ADPRHL1: variants seen among roughly 807,000 people sequenced by gnomAD.
ADPRHL1 encodes inactive ADP-ribosyltransferase ARH2.
A neutral mutation model predicts 44.1 loss-of-function variants in ADPRHL1; 43 were observed. The ratio of observed to expected loss-of-function variants is 0.98; its 90% CI spans 0.76 to 1.26. The LOEUF (loss-of-function observed/expected upper bound fraction) is 1.26. Ranked by LOEUF, ADPRHL1 falls within the 50% of genes most tolerant of loss-of-function variation. The probability of loss-of-function intolerance (pLI) is 0.00; values close to 1 mark genes in which losing one functional copy is unlikely to be tolerated. For synonymous variants in ADPRHL1, 878 were observed against 1,017.4 expected, an observed-to-expected ratio of 0.86 and a Z score of 2.61; for missense variants, 2,022 against 2,496.9, an observed-to-expected ratio of 0.81 and a Z score of 4.05.
At position 113,403,659 on chromosome 13, in the gene ADPRHL1, CA is replaced by C; in HGVS notation, c.5622del (p.Ile1874MetfsTer82). The C allele has an allele frequency of 8.1e-7, 1 of 1,231,790 alleles. No individual in the cohort carries two copies. The highest frequency in any genetic ancestry group is 3.2e-5 in the East Asian group (1 of 31,668). The allele number at this position is 1,231,790 out of a possible 1,614,324, so 76.3% of individuals were successfully genotyped here. A position where few individuals can be genotyped will look rare whatever the true frequency, so the allele number is the denominator to read the frequency against. ...PGSRPLRGKS[I>X]ATSPLGLGKS... is the part of the protein sequence containing the mutation. ...TTTCCCAGCCCCAGGGGAGAGGTGG[CA>C]ATGCTCTTGCCCCTGAGGGGGCGGC... is the stretch of plus-strand genomic sequence containing the variant. On this transcript the variant is annotated frameshift_variant, in exon 8 of 8. Coordinates refer to ENST00000612156, the MANE Select transcript of ADPRHL1 (RefSeq NM_001394807.1). LOFTEE classifies it low-confidence loss of function (END_TRUNC).
At chr13:113,445,845 C>T (rs9604114) in intron 1 of ADPRHL1, among the ~76,000 whole-genome samples, 5 of 136,948 alleles carry the variant, frequency 3.7e-5, no homozygotes, top group South Asian at 2.3e-4. Flanking sequence ...AAACCCCTGG[C>T]GAGAGCATAC....
intron 7 of ADPRHL1, among the ~76,000 whole-genome samples, chr13:113,413,026 A>G (rs111872039): frequency 1.0e-4 from 9 of 88,172 alleles, no homozygotes; most frequent in African/African-American, 1.8e-4. Flanking sequence ...AGCGCCCCGC[A>G]GAGCTCGGTT....
intron 1 of ADPRHL1, chr13:113,448,971 C>T (rs2044161040): frequency 1.0e-6 from 1 of 985,642 alleles, no homozygotes; most frequent in Admixed American, 6.1e-5. Context: ...CGAGGCCGCC[C>T]CTCCCCAGGC....
chr13:113,442,825 C>G (rs776676139), intron 2 of ADPRHL1, among the ~76,000 whole-genome samples: 2 of 152,184 alleles, frequency 1.3e-5, no homozygotes, highest in Non-Finnish European at 2.9e-5. Context: ...CAGACACATG[C>G]GTCAGGCTGC....
chr13:113,430,366 A>G (rs2043998024), intron 3 of ADPRHL1, among the ~76,000 whole-genome samples: 1 of 152,146 alleles, frequency 6.6e-6, no homozygotes, highest in South Asian at 2.1e-4. Flanking sequence ...CTCTCCTCTC[A>G]CTGCTAGCCA....
intron 3 of ADPRHL1, among the ~76,000 whole-genome samples, chr13:113,431,168 G>A (rs1033733440): frequency 6.6e-6 from 1 of 152,284 alleles, no homozygotes; most frequent in Non-Finnish European, 1.5e-5. Context: ...TGCCGCGTGC[G>A]TTCTGACATC....
intron 2 of ADPRHL1, among the ~76,000 whole-genome samples, chr13:113,440,603 A>T (rs931762863): frequency 4.0e-5 from 6 of 151,750 alleles, no homozygotes; most frequent in Admixed American, 6.6e-5. Flanking sequence ...TTACAGGGGC[A>T]TACCACCACA....
At chr13:113,410,183 C>G (rs1246233666) in intron 7 of ADPRHL1, 4 of 954,124 alleles carry the variant, frequency 4.2e-6, no homozygotes, top group Non-Finnish European at 5.0e-6. Flanking sequence ...GAACACAGGA[C>G]TCCGCTTCCC....
At position 113,407,794 on chromosome 13, in the gene ADPRHL1, C is replaced by T. The variant is rs1341415584; in HGVS notation, c.1488G>A (p.Pro496=). Residue 496 remains proline (P), a synonymous_variant, in exon 8 of 8, where the codon CCG becomes CCA. Coordinates refer to ENST00000612156, the MANE Select transcript of ADPRHL1 (RefSeq NM_001394807.1). The part of the protein sequence containing the change: ...CLSEKPRWGH[P]AGKSTVKNIL... ...TGTTTTTCACGGTGCTCTTCCCGGC[C>T]GGGTGGCCCCAGCGGGGCTTCTCGC... The T allele has an allele frequency of 1.6e-5, 20 of 1,231,908 alleles. No homozygotes were observed. The highest frequency in any genetic ancestry group is 1.2e-4 in the South Asian group (3 of 24,330). The allele number at this position is 1,231,908 out of a possible 1,614,324, so 76.3% of individuals were successfully genotyped here.
At chr13:113,431,820 A>T (rs1361437923) in intron 3 of ADPRHL1, among the ~76,000 whole-genome samples, 3 of 151,784 alleles carry the variant, frequency 2.0e-5, no homozygotes, top group African/African-American at 4.8e-5. Context: ...GGTTCAAGCG[A>T]TTCTCCTGCC....
Position 113,407,523 on chromosome 13 carries a change from G to A in ADPRHL1, c.1759C>T (p.Arg587Trp), listed in dbSNP as rs538142448. The A allele has an allele frequency of 2.7e-5, 33 of 1,232,104 alleles. No individual in the cohort carries two copies. The highest frequency in any genetic ancestry group is 4.1e-5 in the South Asian group (1 of 24,334). The allele number at this position is 1,232,104 out of a possible 1,614,324, so 76.3% of individuals were successfully genotyped here. ...KRNLQRKRMH[R>W]PEVRVLHTAT... ...GTGTGCAGCACGCGCACCTCCGGCC[G>A]GTGCATCCTCTTCCTCTGCAGGTTC... The change falls in exon 8 of 8, where the codon CGG (arginine) becomes TGG (tryptophan). Residue 587 changes from arginine to tryptophan, a missense_variant. This residue lies in a region of ADPRHL1 where 1,221 missense variants were observed against 1,517.8 expected (regional missense o/e 0.80). Coordinates refer to ENST00000612156, the MANE Select transcript of ADPRHL1 (RefSeq NM_001394807.1).
Position 113,444,515 on chromosome 13 carries a change from G to A in ADPRHL1, c.289C>T (p.Arg97Cys), listed in dbSNP as rs774381207. ...TCAATGGTAGCTGGGTCTGGCCGGC[G>A]TTCTGGAAGCTTCTCAACGATTTCC... ...YVEIVEKLPE[R>C]RPDPATIEGC... The change falls in exon 2 of 8, where the codon CGC becomes TGC. Residue 97 changes from arginine (R) to cysteine (C), a missense_variant. By Grantham distance (180) the Arg-to-Cys change is radical (BLOSUM62 -3). Transcript: ENST00000612156. 2.4e-5 allele frequency: 39 copies of A among 1,614,064 alleles called. No individual in the cohort carries two copies. Among genetic ancestry groups the A allele is most frequent in the Admixed American group, 1.0e-4 (6 of 60,002 alleles).
chr13:113,436,321 C>T (rs373460114), intron 2 of ADPRHL1, among the ~76,000 whole-genome samples: 2 of 139,546 alleles, frequency 1.4e-5, no homozygotes, highest in Admixed American at 7.4e-5. Context: ...TGACCCAGCA[C>T]CCACACGTAG....
At position 113,400,452 on chromosome 13, in the gene ADPRHL1, TCTTTC is replaced by T. The variant is rs1320457818; in HGVS notation, c.*2921_*2925del. 6.9e-6 allele frequency: 1 copy of T among 145,366 alleles called. No individual in the cohort carries two copies. The highest frequency in any genetic ancestry group is 6.8e-5 in the Admixed American group (1 of 14,764). The allele number at this position is 145,366 out of a possible 1,614,324, so 9.0% of individuals were successfully genotyped here. ...AGCCACCGTGCCCGGCCACTTTCTT[TCTTTC>T]TTTTTTTTTTTTTTTAAAAAAACAA... On this transcript the variant is annotated 3_prime_UTR_variant, in exon 8 of 8. Coordinates refer to ENST00000612156, the MANE Select transcript of ADPRHL1 (RefSeq NM_001394807.1).
intron 7 of ADPRHL1, among the ~76,000 whole-genome samples, chr13:113,411,542 C>T (rs558856117): frequency 5.9e-5 from 9 of 152,364 alleles, no homozygotes; most frequent in South Asian, 4.1e-4. Context: ...GCGTGGAGGA[C>T]GTACTTGGCC....
rs1396691801 is a variant in ADPRHL1 at position 113,400,425 on chromosome 13, T to C, written c.*2953A>G. The C allele has an allele frequency of 6.6e-6, 1 of 150,900 alleles. No individual in the cohort carries two copies. The highest frequency in any genetic ancestry group is 1.5e-5 in the Non-Finnish European group (1 of 67,818). The allele number at this position is 150,900 out of a possible 1,614,324, so 9.3% of individuals were successfully genotyped here. ...TCCCAAAGTGCTGGGATTACAGGCA[T>C]GAGCCACCGTGCCCGGCCACTTTCT... On this transcript the variant is annotated 3_prime_UTR_variant, in exon 8 of 8. Transcript: ENST00000612156.
intron 2 of ADPRHL1, among the ~76,000 whole-genome samples, chr13:113,434,478 A>C (rs573121231): frequency 8.1e-6 from 1 of 123,534 alleles, no homozygotes; most frequent in African/African-American, 3.3e-5. Flanking sequence ...CAGCACCCAC[A>C]CGTAGAGTGA....
At chr13:113,444,754 C>T (rs1263429745) in intron 1 of ADPRHL1, among the ~76,000 whole-genome samples, 165 bp from the exon 2 acceptor site, 1 of 152,168 alleles carries the variant, frequency 6.6e-6, no homozygotes, top group Non-Finnish European at 1.5e-5. Context: ...TCCTGAGTAG[C>T]TGGGACTACA....
intron 7 of ADPRHL1, among the ~76,000 whole-genome samples, chr13:113,420,466 T>C (rs759423990): frequency 1.2e-4 from 19 of 152,168 alleles, no homozygotes; most frequent in Non-Finnish European, 2.5e-4. Context: ...GAAGCCCACT[T>C]TCCGGTAAGC....
Sources: allele counts gnomAD v4.1 joint callset (sites outside exome capture counted in the v4.1 genomes callset), GRCh38; gene constraint gnomAD v4.1.1; regional missense constraint gnomAD v4.1.1; transcripts MANE v1.5; gene names NCBI Gene and HGNC (gene_info 2026-07-23, HGNC 2026-07-21).